The following STAC variants were observed in gnomAD, a reference collection of about 807,000 sequenced individuals.
STAC encodes the protein SH3 and cysteine rich domain.
STAC carries 43 observed loss-of-function variants against 48.8 expected under a neutral mutation model. The observed-to-expected ratio is 0.88, with a 90% CI of 0.69 to 1.14. The LOEUF (loss-of-function observed/expected upper bound fraction) is 1.14, where lower values mean the gene tolerates loss of function less well. Ranked by LOEUF, STAC falls within the 50% of genes most tolerant of loss-of-function variation. STAC has a pLI of 0.00. For synonymous variants in STAC, 193 were observed against 179.5 expected (o/e 1.07, Z -0.60); for missense variants, 497 against 504.0 (o/e 0.99, Z 0.13).
At chr3:36,402,251 C>G (rs1456360867) in intron 1 of STAC, among the ~76,000 whole-genome samples, 1 of 151,552 alleles carries the variant, frequency 6.6e-6, no homozygotes, top group African/African-American at 2.4e-5. Context: ...GGTCCAAATC[C>G]TGGTATAATG....
Position 36,524,399 on chromosome 3 carries a change from C to T in STAC, c.921-4297C>T, listed in dbSNP as rs371590297. On this transcript the variant is annotated intron_variant, in intron 8 of 10. Coordinates refer to ENST00000273183, the MANE Select transcript of STAC (RefSeq NM_003149.3). ...ATGAGGTCAGGAGTTCGAGACCAGC[C>T]TGGCCAACGTGGTGAAACCCTGTCT... 1.1e-3 allele frequency among the ~76,000 whole-genome samples: 165 copies of T among 152,204 alleles called. 1 individual carries two copies. The South Asian group carries it at 0.032, about 30-fold the overall frequency.
chr3:36,399,836 T>C (rs1392491555), intron 1 of STAC, among the ~76,000 whole-genome samples: 1 of 152,224 alleles, frequency 6.6e-6, no homozygotes, highest in Non-Finnish European at 1.5e-5. Flanking sequence ...AGCCCAGATC[T>C]GGAGTCAACC....
At chr3:36,508,829 C>G (rs1416027546) in intron 8 of STAC, among the ~76,000 whole-genome samples, 1 of 152,058 alleles carries the variant, frequency 6.6e-6, no homozygotes, top group Non-Finnish European at 1.5e-5. Flanking sequence ...TGAGATGGGT[C>G]TCCTGAACAA....
chr3:36,403,720 T>C (rs1700041342), intron 1 of STAC, among the ~76,000 whole-genome samples: 1 of 152,064 alleles, frequency 6.6e-6, no homozygotes, highest in Non-Finnish European at 1.5e-5. Flanking sequence ...TTCCAGAAAT[T>C]AAGAAACAGG....
chr3:36,398,736 AAGGG>A (rs892948018), intron 1 of STAC, among the ~76,000 whole-genome samples: 1 of 151,974 alleles, frequency 6.6e-6, no homozygotes, highest in Middle Eastern at 3.2e-3. Flanking sequence ...AGAGAGAAGG[AAGGG>A]AGGGAGGGAA....
intron 2 of STAC, among the ~76,000 whole-genome samples, chr3:36,454,159 ACGCTGTGGAAGCTTTGTTCTTT>A (rs1296859163): frequency 1.3e-5 from 2 of 152,144 alleles, no homozygotes. Context: ...ATCCTCTTCC[ACGCTGTGGAAGCTTTGTTCTTT>A]CGCTCTTTGC....
intron 8 of STAC, among the ~76,000 whole-genome samples, chr3:36,520,540 G>C (rs965019313): frequency 3.3e-5 from 5 of 152,154 alleles, no homozygotes; most frequent in South Asian, 2.1e-4. Context: ...ACAGAATAAG[G>C]CTCCCTTGGT....
intron 6 of STAC, among the ~76,000 whole-genome samples, chr3:36,500,234 G>T (rs1050015157): frequency 6.6e-6 from 1 of 152,110 alleles, no homozygotes; most frequent in African/African-American, 2.4e-5. Context: ...AACACATGTG[G>T]TACATATACA....
At chr3:36,525,751 T>C (rs774273836) in intron 8 of STAC, among the ~76,000 whole-genome samples, 1 of 152,158 alleles carries the variant, frequency 6.6e-6, no homozygotes, top group Non-Finnish European at 1.5e-5. Flanking sequence ...TGGGAAAGAG[T>C]GATTTTCAGC....
chr3:36,495,660 A>G (rs1698133982), intron 6 of STAC, among the ~76,000 whole-genome samples: 1 of 152,212 alleles, frequency 6.6e-6, no homozygotes, highest in African/African-American at 2.4e-5. Flanking sequence ...TTAGAACACA[A>G]TTTACACTGA....
At chr3:36,503,167 T>A (rs1332540819) in intron 6 of STAC, among the ~76,000 whole-genome samples, 1 of 152,144 alleles carries the variant, frequency 6.6e-6, no homozygotes, top group Non-Finnish European at 1.5e-5. Flanking sequence ...CAATGTATAA[T>A]CTAAAAATTT....
At chr3:36,528,013 CA>C (rs933593692) in intron 8 of STAC, among the ~76,000 whole-genome samples, 7 of 151,496 alleles carry the variant, frequency 4.6e-5, no homozygotes, top group African/African-American at 9.7e-5. Context: ...CAATACTAAA[CA>C]AAAAAAATAC....
intron 1 of STAC, among the ~76,000 whole-genome samples, chr3:36,381,868 ATT>A (rs923517259): frequency 6.6e-6 from 1 of 152,022 alleles, no homozygotes; most frequent in Non-Finnish European, 1.5e-5. Flanking sequence ...TTTACATCTT[ATT>A]TATTTTTATT....
Position 36,451,913 on chromosome 3 carries a change from A to T in STAC, c.388+8273A>T, listed in dbSNP as rs572957279. ...AAGGGAGCAAATTGTGATGGATCCC[A>T]CTTGTTTAGCTAATGAGTCTCTTGC... On this transcript the variant is annotated intron_variant, in intron 2 of 10. Coordinates refer to ENST00000273183, the MANE Select transcript of STAC (RefSeq NM_003149.3). Among the ~76,000 whole-genome samples the T allele has an allele frequency of 3.2e-4, 48 of 152,288 alleles. No homozygotes were observed. The Middle Eastern group carries it at 0.01, about 32-fold the overall frequency.
chr3:36,465,837 A>G (rs1387218832), intron 2 of STAC, among the ~76,000 whole-genome samples: 1 of 152,094 alleles, frequency 6.6e-6, no homozygotes, highest in African/African-American at 2.4e-5. Context: ...CCTGATTTAT[A>G]TTCACTGGAA....
chr3:36,412,088 T>C (rs1354342897), intron 1 of STAC, among the ~76,000 whole-genome samples: 2 of 152,186 alleles, frequency 1.3e-5, no homozygotes, highest in Non-Finnish European at 2.9e-5. Flanking sequence ...CTGTTTTTCT[T>C]ACATAGCAAG....
chr3:36,445,253 TA>T (rs909567572), intron 2 of STAC, among the ~76,000 whole-genome samples: 2 of 151,950 alleles, frequency 1.3e-5, no homozygotes, highest in Non-Finnish European at 2.9e-5. Flanking sequence ...TGAATATCAC[TA>T]AAAAAAATGT....
chr3:36,421,703 G>T (rs1404642657), intron 1 of STAC, among the ~76,000 whole-genome samples: 2 of 152,056 alleles, frequency 1.3e-5, no homozygotes, highest in African/African-American at 4.8e-5. Context: ...TTTCTTTAAT[G>T]ATTTTCAACT....
chr3:36,546,857 T>A lies in STAC; in HGVS notation c.*568T>A, dbSNP rs1297134822. On this transcript the variant is annotated 3_prime_UTR_variant, in exon 11 of 11. Transcript: ENST00000273183. ...GTGCTGTCCAGAGTGTCCAGCTTGT[T>A]CTTTCTTTCTCTTCAGTCCTCTGAG... 2 of 153,812 alleles carry A rather than the reference T, an allele frequency of 1.3e-5. No individual in the cohort carries two copies. Among genetic ancestry groups the A allele is most frequent in the African/African-American group, 4.8e-5 (2 of 41,480 alleles). The allele number at this position is 153,812 out of a possible 1,614,324, so 9.5% of individuals were successfully genotyped here. A position where few individuals can be genotyped will look rare whatever the true frequency, so the allele number is the denominator to read the frequency against.
Sources: gnomAD v4.1 joint callset for allele counts (sites outside exome capture counted in the v4.1 genomes callset) on GRCh38, gnomAD v4.1.1 for gene constraint, MANE v1.5 for transcripts, NCBI Gene and HGNC (gene_info 2026-07-23, HGNC 2026-07-21) for gene names.